MYH15: variants seen among roughly 807,000 people sequenced by gnomAD.
The protein encoded by MYH15 is myosin-15.
A neutral mutation model predicts 240.5 loss-of-function variants in MYH15; 227 were observed. The observed-to-expected ratio is 0.94, with a 90% CI of 0.85 to 1.05. The LOEUF is 1.05. Among genes scored for constraint, MYH15 ranks in the 50% least tolerant of loss-of-function variants. The pLI is 0.00. For missense variants in MYH15, 2,217 were observed against 2,247.5 expected, an observed-to-expected ratio of 0.99 and a Z score of 0.27; for synonymous variants, 785 against 796.7, an observed-to-expected ratio of 0.99 and a Z score of 0.25.
At chr3:108,431,968 TC>T (rs1430466743) in intron 25 of MYH15, among the ~76,000 whole-genome samples, 2 of 152,160 alleles carry the variant, frequency 1.3e-5, no homozygotes, top group Non-Finnish European at 2.9e-5. Flanking sequence ...ACTTTGAACT[TC>T]AGAGATATGA....
At chr3:108,465,692 T>C (rs1444768926) in intron 14 of MYH15, among the ~76,000 whole-genome samples, 1 of 152,078 alleles carries the variant, frequency 6.6e-6, no homozygotes, top group Non-Finnish European at 1.5e-5. Context: ...TTTGGGAGGC[T>C]GAGGCGGGCA....
At chr3:108,475,959 T>A (rs572217566) in intron 12 of MYH15, among the ~76,000 whole-genome samples, 20 of 152,230 alleles carry the variant, frequency 1.3e-4, no homozygotes, top group Non-Finnish European at 2.9e-4. Flanking sequence ...AAATATTGAT[T>A]TTTAGCATAT....
upstream of MYH15, among the ~76,000 whole-genome samples, chr3:108,532,144 A>T (rs1342533647): frequency 6.6e-6 from 1 of 152,186 alleles, no homozygotes; most frequent in Non-Finnish European, 1.5e-5. Context: ...AAATGTTGTC[A>T]TCTGTGACAG....
At chr3:108,385,621 T>A (rs2082378023) in intron 38 of MYH15, among the ~76,000 whole-genome samples, 1 of 152,204 alleles carries the variant, frequency 6.6e-6, no homozygotes, top group African/African-American at 2.4e-5. Context: ...GGAGCTATTG[T>A]ACTTTTCAAA....
intron 18 of MYH15, among the ~76,000 whole-genome samples, chr3:108,457,200 T>C (rs1024552522): frequency 1.4e-4 from 21 of 152,154 alleles, no homozygotes; most frequent in African/African-American, 5.1e-4. Context: ...AGAATGTAAA[T>C]GGCTGCTCTA....
intron 26 of MYH15, among the ~76,000 whole-genome samples, chr3:108,429,896 T>A (rs1020947322): frequency 1.3e-5 from 2 of 152,180 alleles, no homozygotes; most frequent in African/African-American, 4.8e-5. Context: ...AAAATATTTA[T>A]CCCAAATAAT....
At chr3:108,419,819 G>A (rs988738052) in intron 28 of MYH15, among the ~76,000 whole-genome samples, 2 of 151,956 alleles carry the variant, frequency 1.3e-5, no homozygotes, top group Non-Finnish European at 2.9e-5. Context: ...TAGCCCAAAT[G>A]TGTTCATTCT....
At chr3:108,471,390 T>C (rs901758778) in intron 12 of MYH15, among the ~76,000 whole-genome samples, 6 of 152,120 alleles carry the variant, frequency 3.9e-5, no homozygotes, top group African/African-American at 1.4e-4. Context: ...ATCTGTAAGC[T>C]AACAATCCCC....
At chr3:108,467,999 T>C (rs1452115775) in intron 14 of MYH15, among the ~76,000 whole-genome samples, 2 of 151,842 alleles carry the variant, frequency 1.3e-5, no homozygotes, top group African/African-American at 4.8e-5. Context: ...AGAATCTCAC[T>C]CTGTTGCCCA....
intron 22 of MYH15, among the ~76,000 whole-genome samples, chr3:108,444,003 T>A (rs369351207): frequency 4.0e-5 from 3 of 74,474 alleles, no homozygotes; most frequent in Admixed American, 1.6e-4. Flanking sequence ...TGTTGTGGGG[T>A]GGGGGAGGGG....
chr3:108,511,675 A>G (rs34544935), upstream of MYH15, among the ~76,000 whole-genome samples: 2,160 of 152,334 alleles, frequency 0.014, 18 homozygotes, highest in Middle Eastern at 0.054. Context: ...TACTCATCAC[A>G]TTTATAGGTA....
At chr3:108,524,414 CT>C in intron 1 of MYH15, among the ~76,000 whole-genome samples, 1 of 152,012 alleles carries the variant, frequency 6.6e-6, no homozygotes, top group Admixed American at 6.6e-5. Flanking sequence ...TTTACTTGTT[CT>C]TTTCAATTTG....
At chr3:108,540,214 G>A in the MYH15 span, among the ~76,000 whole-genome samples, 10 of 152,058 alleles carry the variant, frequency 6.6e-5, no homozygotes, top group South Asian at 2.1e-4. Context: ...CCTCTTCTTC[G>A]GTTCTCTGTG....
Position 108,419,062 on chromosome 3 carries a change from T to C in MYH15, c.3829+2026A>G, listed in dbSNP as rs368154937. Among the ~76,000 whole-genome samples, 4 of 152,292 alleles carry C rather than the reference T, an allele frequency of 2.6e-5. No homozygotes were observed. The East Asian group carries it at 7.7e-4, about 29-fold the overall frequency. On this transcript the variant is annotated intron_variant, in intron 28 of 40. Coordinates refer to ENST00000693548, the MANE Select transcript of MYH15 (RefSeq NM_014981.3). The stretch of plus-strand genomic sequence containing the variant: ...GCCACTCTGCTGGTCCAAAAACATC[T>C]TATTTAAAAGGATTCTGAAGAAATA...
At chr3:108,389,128 A>C in intron 37 of MYH15, 54 bp from the exon 38 acceptor site, 2 of 1,475,772 alleles carry the variant, frequency 1.4e-6, no homozygotes, top group Non-Finnish European at 1.9e-6. Context: ...CTGGCATTCT[A>C]TTTGCTGATT....
intron 32 of MYH15, among the ~76,000 whole-genome samples, chr3:108,407,215 A>T (rs915322588): frequency 6.6e-6 from 1 of 152,226 alleles, no homozygotes; most frequent in African/African-American, 2.4e-5. Context: ...TGGAATCACA[A>T]CGGTGAGGTA....
intron 35 of MYH15, among the ~76,000 whole-genome samples, chr3:108,398,291 T>C (rs2082477392): frequency 6.6e-6 from 1 of 152,146 alleles, no homozygotes; most frequent in African/African-American, 2.4e-5. Flanking sequence ...ATGGCAAAGA[T>C]TGCCGGTAAG....
intron 20 of MYH15, among the ~76,000 whole-genome samples, chr3:108,455,246 G>T (rs2083008718): frequency 6.6e-6 from 1 of 152,184 alleles, no homozygotes; most frequent in African/African-American, 2.4e-5. Flanking sequence ...AGATGAAGTA[G>T]AATTTAGGGA....
chr3:108,403,874 C>T (rs1026966555), intron 33 of MYH15, among the ~76,000 whole-genome samples: 4 of 151,956 alleles, frequency 2.6e-5, no homozygotes, highest in Non-Finnish European at 5.9e-5. Flanking sequence ...AACTGCTCTA[C>T]GACATTCAGA....
Sources: allele counts gnomAD v4.1 joint callset (sites outside exome capture counted in the v4.1 genomes callset), GRCh38; gene constraint gnomAD v4.1.1; transcripts MANE v1.5; gene names NCBI Gene and HGNC (gene_info 2026-07-23, HGNC 2026-07-21).